The following PLD5 variants were observed in gnomAD, a reference collection of about 807,000 sequenced individuals.
PLD5 encodes phospholipase D family member 5, also known as inactive phospholipase D5.
Under a neutral mutation model 61.1 loss-of-function variants are expected in PLD5, and 36 were observed. The ratio of observed to expected loss-of-function variants is 0.59; its 90% CI spans 0.45 to 0.78. The LOEUF is 0.78. Ranked by LOEUF, PLD5 falls within the 30% of genes least tolerant of loss-of-function variation. PLD5 has a pLI of 0.00. For synonymous variants in PLD5, 243 were observed against 242.8 expected, an observed-to-expected ratio of 1.00 and a Z score of -0.01; for missense variants, 515 against 644.4, an observed-to-expected ratio of 0.80 and a Z score of 2.17.
intron 1 of PLD5, among the ~76,000 whole-genome samples, chr1:242,491,727 C>T (rs1668158925): frequency 1.3e-5 from 2 of 152,142 alleles, no homozygotes; most frequent in South Asian, 2.1e-4. Flanking sequence ...TTTCTATGTC[C>T]TCATTCTGTG....
chr1:242,381,994 C>T (rs1662305460), intron 1 of PLD5, among the ~76,000 whole-genome samples: 1 of 151,918 alleles, frequency 6.6e-6, no homozygotes, highest in Admixed American at 6.6e-5. Context: ...TGACAGAATC[C>T]AAAATTTGTC....
At chr1:242,223,268 A>G (rs534945880) in intron 4 of PLD5, among the ~76,000 whole-genome samples, 2 of 152,258 alleles carry the variant, frequency 1.3e-5, no homozygotes, top group African/African-American at 4.8e-5. Flanking sequence ...CTCACCTCCT[A>G]ATACCATCAC....
chr1:242,342,006 A>G (rs1169838993), intron 2 of PLD5, among the ~76,000 whole-genome samples: 1 of 152,060 alleles, frequency 6.6e-6, no homozygotes, highest in Non-Finnish European at 1.5e-5. Flanking sequence ...CTACCTAGAT[A>G]AAATAGGTGA....
chr1:242,524,315 C>CGGGACGGGCGCGCGG lies in PLD5; in HGVS notation c.-54_-40dup. ...GGCGGCCGCCGGCGAGCAGCGGACT[C>CGGGACGGGCGCGCGG]GGGACGGGCGCGCGGGGAGCCGGGC... On this transcript the variant is annotated 5_prime_UTR_variant, in exon 1 of 10. Transcript: ENST00000536534. The CGGGACGGGCGCGCGG allele has an allele frequency of 7.3e-7, 1 of 1,366,644 alleles. No homozygotes were observed. The allele number at this position is 1,366,644 out of a possible 1,614,324, so 84.7% of individuals were successfully genotyped here. A position where few individuals can be genotyped will look rare whatever the true frequency, so the allele number is the denominator to read the frequency against.
chr1:242,422,357 A>G (rs1346969834), intron 1 of PLD5, among the ~76,000 whole-genome samples: 1 of 152,138 alleles, frequency 6.6e-6, no homozygotes, highest in Admixed American at 6.5e-5. Context: ...TCTTCTTGGG[A>G]TGGGGAGAGA....
At chr1:242,192,961 C>G (rs556840980) in intron 5 of PLD5, among the ~76,000 whole-genome samples, 51 of 152,252 alleles carry the variant, frequency 3.3e-4, no homozygotes, top group African/African-American at 1.2e-3. Context: ...TGCCCCCACC[C>G]CAATACCCCT....
Position 242,466,917 on chromosome 1 carries a change from T to C in PLD5, c.189+57171A>G, listed in dbSNP as rs984193173. Among the ~76,000 whole-genome samples, 6 of 139,608 alleles carry C rather than the reference T, an allele frequency of 4.3e-5. No individual in the cohort carries two copies. The South Asian group carries it at 1.2e-3, about 27-fold the overall frequency. The allele number at this position is 139,608 out of a possible 152,430, so 91.6% of individuals were successfully genotyped here. On this transcript the variant is annotated intron_variant, in intron 1 of 9. Coordinates refer to ENST00000536534, the MANE Select transcript of PLD5 (RefSeq NM_001372062.1). ...CAAAAAAAAAAAAAAGTGGAACTTA[T>C]AGAAATAGAATAGAGCGCTGGTTAC...
intron 5 of PLD5, among the ~76,000 whole-genome samples, chr1:242,194,470 A>G (rs1392876097): frequency 6.6e-6 from 1 of 152,144 alleles, no homozygotes; most frequent in Non-Finnish European, 1.5e-5. Flanking sequence ...ACTCACACAT[A>G]CATGTTTACA....
At chr1:242,386,679 A>T (rs1193787079) in intron 1 of PLD5, among the ~76,000 whole-genome samples, 1 of 152,244 alleles carries the variant, frequency 6.6e-6, no homozygotes, top group Non-Finnish European at 1.5e-5. Flanking sequence ...ACAGGCTAAA[A>T]AAACAGATCA....
intron 1 of PLD5, among the ~76,000 whole-genome samples, chr1:242,445,473 C>G (rs1666488124): frequency 1.3e-5 from 2 of 152,124 alleles, no homozygotes; most frequent in Admixed American, 6.5e-5. Context: ...TCCCGAGTAG[C>G]TGTGATTACA....
intron 1 of PLD5, among the ~76,000 whole-genome samples, chr1:242,404,814 C>A (rs1664134570): frequency 6.6e-6 from 1 of 150,628 alleles, no homozygotes. Context: ...TTCCATCAGA[C>A]CTTTATCTGA....
chr1:242,526,221 C>A (rs549261073), upstream of PLD5, among the ~76,000 whole-genome samples: 563 of 152,118 alleles, frequency 3.7e-3, 6 homozygotes, highest in African/African-American at 0.013. Flanking sequence ...TGGGCCTACA[C>A]TAAAAATAAA....
chr1:242,230,028 C>T (rs1165354353), intron 4 of PLD5, among the ~76,000 whole-genome samples: 1 of 152,028 alleles, frequency 6.6e-6, no homozygotes, highest in Non-Finnish European at 1.5e-5. Context: ...TCGCAACTGT[C>T]AGGGGGATGC....
chr1:242,247,149 A>C (rs1672434666), intron 4 of PLD5, among the ~76,000 whole-genome samples: 1 of 151,780 alleles, frequency 6.6e-6, no homozygotes, highest in African/African-American at 2.4e-5. Flanking sequence ...ATGCCCGGCT[A>C]ATTTTTGTAT....
intron 1 of PLD5, among the ~76,000 whole-genome samples, chr1:242,454,200 G>A (rs1007952534): frequency 2.0e-5 from 3 of 151,960 alleles, no homozygotes; most frequent in African/African-American, 7.3e-5. Context: ...AGGTGTGGTG[G>A]CGGTCACCTG....
chr1:242,207,884 A>ATTTATATATT lies in PLD5; in HGVS notation c.735+12103_735+12104insAATATATAAA, dbSNP rs1558344353. ...TTTATATATTTATATATATTTATAT[A>ATTTATATATT]TTTATATATATTTATATATTTATAT... On this transcript the variant is annotated intron_variant, in intron 5 of 9. Coordinates refer to ENST00000536534, the MANE Select transcript of PLD5 (RefSeq NM_001372062.1). Among the ~76,000 whole-genome samples the ATTTATATATT allele has an allele frequency of 8.1e-3, 232 of 28,644 alleles. 49 individuals are homozygous for ATTTATATATT. The highest frequency in any genetic ancestry group is 0.07 in the East Asian group (54 of 774). The allele number at this position is 28,644 out of a possible 152,430, so 18.8% of individuals were successfully genotyped here. A position where few individuals can be genotyped will look rare whatever the true frequency, so the allele number is the denominator to read the frequency against.
At chr1:242,111,978 C>G (rs995232951) in intron 7 of PLD5, among the ~76,000 whole-genome samples, 2 of 151,950 alleles carry the variant, frequency 1.3e-5, no homozygotes, top group African/African-American at 4.8e-5. Context: ...AATTATTTAC[C>G]TCTTGACCAG....
At chr1:242,286,200 T>C (rs1419641632) in intron 3 of PLD5, among the ~76,000 whole-genome samples, 1 of 152,174 alleles carries the variant, frequency 6.6e-6, no homozygotes, top group Non-Finnish European at 1.5e-5. Flanking sequence ...TTGGCTTGCA[T>C]GTTTCCAAAT....
At chr1:242,361,930 T>A (rs982294590) in intron 1 of PLD5, among the ~76,000 whole-genome samples, 2 of 151,328 alleles carry the variant, frequency 1.3e-5, no homozygotes, top group Non-Finnish European at 2.9e-5. Context: ...AGGCCAAGAA[T>A]TCAAGACTAC....
Sources: gnomAD v4.1 joint callset for allele counts (sites outside exome capture counted in the v4.1 genomes callset) on GRCh38, gnomAD v4.1.1 for gene constraint, MANE v1.5 for transcripts, NCBI Gene and HGNC (gene_info 2026-07-23, HGNC 2026-07-21) for gene names.